MGAT3: variants seen among roughly 807,000 people sequenced by gnomAD.
The protein encoded by MGAT3 is beta-1,4-mannosyl-glycoprotein 4-beta-N-acetylglucosaminyltransferase, also known as GlcNAc-T III.
A neutral mutation model predicts 29.8 loss-of-function variants in MGAT3; 9 were observed. The observed-to-expected ratio is 0.30, with a 90% CI of 0.18 to 0.53. MGAT3 has a LOEUF of 0.53. Among genes scored for constraint, MGAT3 ranks in the 20% least tolerant of loss-of-function variants. The pLI, the probability that MGAT3 is intolerant of heterozygous loss-of-function variation, is 0.96. For missense variants in MGAT3, 557 were observed against 769.5 expected (o/e 0.72, Z 3.27); for synonymous variants, 397 against 348.9 (o/e 1.14, Z -1.54).
At position 39,489,799 on chromosome 22, in the gene MGAT3, A is replaced by C. The variant is rs1929402180; in HGVS notation, c.*850A>C. On this transcript the variant is annotated 3_prime_UTR_variant, in exon 2 of 2. Transcript: ENST00000341184. The stretch of plus-strand genomic sequence containing the variant: ...TGGCCTTGAGGGGGAAGTGGGGAGG[A>C]GAAGACTGACATGAGTCCTCTGCAC... The C allele has an allele frequency of 6.0e-6, 1 of 167,238 alleles. No individual in the cohort carries two copies. Among genetic ancestry groups the C allele is most frequent in the African/African-American group, 2.4e-5 (1 of 41,376 alleles). The allele number at this position is 167,238 out of a possible 1,614,324, so 10.4% of individuals were successfully genotyped here.
At chr22:39,458,172 C>T (rs1408762248) in intron 1 of MGAT3, among the ~76,000 whole-genome samples, 1 of 152,146 alleles carries the variant, frequency 6.6e-6, no homozygotes, top group African/African-American at 2.4e-5. Flanking sequence ...GGGGAGGGAA[C>T]CTGGCTGAGG....
At chr22:39,481,178 G>A (rs1475297299) in intron 1 of MGAT3, among the ~76,000 whole-genome samples, 3 of 152,124 alleles carry the variant, frequency 2.0e-5, no homozygotes, top group African/African-American at 7.2e-5. Context: ...CTTCACTGGC[G>A]CACATACACT....
At chr22:39,483,978 A>G (rs773781718) in intron 1 of MGAT3, among the ~76,000 whole-genome samples, 19 of 152,154 alleles carry the variant, frequency 1.2e-4, no homozygotes, top group Non-Finnish European at 2.1e-4. Flanking sequence ...GATTGTCGGG[A>G]TCAGCAGCTC....
intron 1 of MGAT3, among the ~76,000 whole-genome samples, chr22:39,459,614 C>T (rs1050669781): frequency 6.6e-6 from 1 of 152,100 alleles, no homozygotes; most frequent in African/African-American, 2.4e-5. Context: ...CAGGCGTGAG[C>T]CAACACACCC....
intron 1 of MGAT3, among the ~76,000 whole-genome samples, chr22:39,461,772 G>A (rs949023538): frequency 3.9e-5 from 6 of 151,966 alleles, no homozygotes; most frequent in Non-Finnish European, 7.4e-5. Flanking sequence ...CCATGTACAC[G>A]TTCCTGCCTA....
rs1279417526 is a variant in MGAT3, at chr22:39,491,141, G to A, written c.*2192G>A. On this transcript the variant is annotated 3_prime_UTR_variant, in exon 2 of 2. Transcript: ENST00000341184. The surrounding 1 kb of genome is among the most constrained non-coding windows in gnomAD (Gnocchi z 5.5). ...GGCCAGGAGAGGAGGGCATCTTCTTGCGACAGCACTGTCTGGGTTAAGTGC... is the reference window on the plus strand; with the variant it reads ...GGCCAGGAGAGGAGGGCATCTTCTTACGACAGCACTGTCTGGGTTAAGTGC... 1 of 167,334 alleles carries A rather than the reference G, an allele frequency of 6.0e-6. No individual in the cohort carries two copies. Among genetic ancestry groups the A allele is most frequent in the Admixed American group, 6.5e-5 (1 of 15,288 alleles). 10.4% of individuals were successfully genotyped at this position (167,334 alleles called of 1,614,324 possible).
At chr22:39,478,880 A>G (rs1929044450) in intron 1 of MGAT3, among the ~76,000 whole-genome samples, 1 of 152,226 alleles carries the variant, frequency 6.6e-6, no homozygotes, top group African/African-American at 2.4e-5. Context: ...AAATGGCACA[A>G]GAAGTGGGAA....
Position 39,462,735 on chromosome 22 carries a change from C to G in MGAT3, c.-2+5178C>G, listed in dbSNP as rs138392824. The stretch of plus-strand genomic sequence containing the variant: ...GTTAACCGACTTGTCACGTACTTCT[C>G]CTTGGGCTGCCTGAAGTGGAATTCC... On this transcript the variant is annotated intron_variant, in intron 1 of 1. Coordinates refer to ENST00000341184, the MANE Select transcript of MGAT3 (RefSeq NM_002409.5). 2.7e-3 allele frequency among the ~76,000 whole-genome samples: 407 copies of G among 152,330 alleles called. 1 individual carries two copies. The highest frequency in any genetic ancestry group is 9.2e-3 in the African/African-American group (382 of 41,566).
intron 1 of MGAT3, among the ~76,000 whole-genome samples, chr22:39,479,793 A>G (rs1929073215): frequency 6.6e-6 from 1 of 152,234 alleles, no homozygotes; most frequent in African/African-American, 2.4e-5. Context: ...GTCCGAGCAC[A>G]TGGAAGTGAT....
Position 39,465,702 on chromosome 22 carries a change from G to C in MGAT3, c.-2+8145G>C, listed in dbSNP as rs532945303. ...ACTCCAGCACTTTGGGAGGCCGAGG[G>C]GGGTGGATCACCAGAGGTCAGGTGT... On this transcript the variant is annotated intron_variant, in intron 1 of 1. Transcript: ENST00000341184. 2.6e-5 allele frequency among the ~76,000 whole-genome samples: 4 copies of C among 152,122 alleles called. No individual in the cohort carries two copies. The East Asian group carries it at 7.7e-4, about 29-fold the overall frequency.
At chr22:39,484,296 G>A (rs1439940774) in intron 1 of MGAT3, among the ~76,000 whole-genome samples, 1 of 152,208 alleles carries the variant, frequency 6.6e-6, no homozygotes, top group African/African-American at 2.4e-5. Context: ...CATGCTGCAT[G>A]CCAGGAACTC....
chr22:39,459,072 CTTTTTTT>C (rs3043636), intron 1 of MGAT3, among the ~76,000 whole-genome samples: 1 of 141,328 alleles, frequency 7.1e-6, no homozygotes, highest in Admixed American at 7.1e-5. Flanking sequence ...CTTTTCTTTT[CTTTTTTT>C]TTTTTTTTTT....
Position 39,488,952 on chromosome 22 carries a change from C to T in MGAT3, c.*3C>T. Reference sequence around the variant, plus strand: ...AACTGGACGAGGCGGAAGTCTAGAGCTGCATGATCTGATAGGGTTTGTGAC... The same window carrying T: ...AACTGGACGAGGCGGAAGTCTAGAGTTGCATGATCTGATAGGGTTTGTGAC... On this transcript the variant is annotated 3_prime_UTR_variant, in exon 2 of 2. Transcript: ENST00000341184. 6.9e-6 allele frequency: 11 copies of T among 1,602,466 alleles called. No individual in the cohort carries two copies. Among genetic ancestry groups the T allele is most frequent in the Non-Finnish European group, 8.5e-6 (10 of 1,175,482 alleles).
In MGAT3 at chr22:39,483,626, C is replaced by T. The variant is rs138826856; in HGVS notation, c.-1-3721C>T. On this transcript the variant is annotated intron_variant, in intron 1 of 1. Transcript: ENST00000341184. ...ATGCTAACCCCGGCTGCAGTATTGCCTTGTGTCTGGTCCTGGCCACAGCAC... is the reference window on the plus strand; with the variant it reads ...ATGCTAACCCCGGCTGCAGTATTGCTTTGTGTCTGGTCCTGGCCACAGCAC... Among the ~76,000 whole-genome samples, 496 of 152,314 alleles carry T rather than the reference C, an allele frequency of 3.3e-3. 1 individual carries two copies. The highest frequency in any genetic ancestry group is 0.01 in the African/African-American group (432 of 41,574).
At position 39,463,584 on chromosome 22, in the gene MGAT3, C is replaced by T. The variant is rs111833931; in HGVS notation, c.-2+6027C>T. On this transcript the variant is annotated intron_variant, in intron 1 of 1. Coordinates refer to ENST00000341184, the MANE Select transcript of MGAT3 (RefSeq NM_002409.5). Reference sequence around the variant, plus strand: ...GTTTGCCAGACCCTAGCCAGCCCTGCTGAGTGAGCATCTCACAACGGGAGG... The same window carrying T: ...GTTTGCCAGACCCTAGCCAGCCCTGTTGAGTGAGCATCTCACAACGGGAGG... Among the ~76,000 whole-genome samples the T allele has an allele frequency of 2.4e-3, 370 of 152,298 alleles. 3 individuals carry two copies. Among genetic ancestry groups the T allele is most frequent in the African/African-American group, 8.5e-3 (353 of 41,542 alleles).
At chr22:39,472,654 C>T (rs1209991650) in intron 1 of MGAT3, 1 of 152,338 alleles carries the variant, frequency 6.6e-6, no homozygotes, top group South Asian at 2.1e-4. Context: ...ACCTGTTTCA[C>T]AAAGGAGGAG....
chr22:39,491,340 G>A lies in MGAT3; in HGVS notation c.*2391G>A. 1 of 167,570 alleles carries A rather than the reference G, an allele frequency of 6.0e-6. No individual in the cohort carries two copies. Among genetic ancestry groups the A allele is most frequent in the Non-Finnish European group, 1.5e-5 (1 of 68,356 alleles). The allele number at this position is 167,570 out of a possible 1,614,324, so 10.4% of individuals were successfully genotyped here. On this transcript the variant is annotated 3_prime_UTR_variant, in exon 2 of 2. Coordinates refer to ENST00000341184, the MANE Select transcript of MGAT3 (RefSeq NM_002409.5). The surrounding 1 kb of genome is among the most constrained non-coding windows in gnomAD (Gnocchi z 5.5). ...TGTTTGCTCTTGGGGCTGAGAGGTGGCTCAAACACTCGGGGTCCCTATGGC... is the reference window on the plus strand; with the variant it reads ...TGTTTGCTCTTGGGGCTGAGAGGTGACTCAAACACTCGGGGTCCCTATGGC...
intron 1 of MGAT3, among the ~76,000 whole-genome samples, chr22:39,460,531 C>G (rs1464911224): frequency 6.6e-6 from 1 of 152,128 alleles, no homozygotes; most frequent in Non-Finnish European, 1.5e-5. Flanking sequence ...GGCGTGGTGG[C>G]CCATGCCTGT....
At chr22:39,485,624 C>T (rs1929250420) in intron 1 of MGAT3, among the ~76,000 whole-genome samples, 1 of 152,172 alleles carries the variant, frequency 6.6e-6, no homozygotes, top group Non-Finnish European at 1.5e-5. Context: ...AACCCCATCT[C>T]TACTACAAAT....
Sources: allele counts gnomAD v4.1 joint callset (sites outside exome capture counted in the v4.1 genomes callset), GRCh38; gene constraint gnomAD v4.1.1; non-coding constraint Gnocchi (gnomAD v3.1); transcripts MANE v1.5; gene names NCBI Gene and HGNC (gene_info 2026-07-23, HGNC 2026-07-21).